The following HYCC1 variants were observed in gnomAD, a reference collection of about 807,000 sequenced individuals.
The protein encoded by HYCC1 is hyccin.
At chr7:23,013,076 A>C in the HYCC1 span, among the ~76,000 whole-genome samples, 21 of 152,312 alleles carry the variant, frequency 1.4e-4, no homozygotes, top group East Asian at 1.9e-4. Flanking sequence ...AGGCAAAATT[A>C]AAATCTTTCA....
the HYCC1 span, chr7:22,960,357 C>T: frequency 6.2e-7 from 1 of 1,613,288 alleles, no homozygotes; most frequent in Admixed American, 1.7e-5. Context: ...ACACCTTGTA[C>T]CTTCCTTATT....
chr7:22,907,738 C>T, the HYCC1 span, among the ~76,000 whole-genome samples: 1 of 152,058 alleles, frequency 6.6e-6, no homozygotes, highest in African/African-American at 2.4e-5. Context: ...GGTGAAACCC[C>T]GTCTCTACTA....
At chr7:22,974,094 A>G in the HYCC1 span, among the ~76,000 whole-genome samples, 1 of 152,208 alleles carries the variant, frequency 6.6e-6, no homozygotes, top group African/African-American at 2.4e-5. Context: ...CTAGAGGTGA[A>G]AATTGCTGCA....
chr7:22,953,428 A>G, the HYCC1 span, among the ~76,000 whole-genome samples: 4 of 151,954 alleles, frequency 2.6e-5, no homozygotes, highest in Admixed American at 2.6e-4. Context: ...TGTAGAATAC[A>G]ATAATTTACG....
the HYCC1 span, chr7:22,978,411 T>A: frequency 6.2e-7 from 1 of 1,613,978 alleles, no homozygotes. Flanking sequence ...TCCACTGCGA[T>A]AGAATTCAAA....
At chr7:22,948,805 G>C in the HYCC1 span, among the ~76,000 whole-genome samples, 2 of 151,996 alleles carry the variant, frequency 1.3e-5, no homozygotes, top group African/African-American at 4.8e-5. Flanking sequence ...TGTTGGTGAG[G>C]TAGTAGTGCA....
the HYCC1 span, among the ~76,000 whole-genome samples, chr7:22,999,573 G>A: frequency 1.3e-5 from 2 of 152,130 alleles, no homozygotes; most frequent in African/African-American, 2.4e-5. Context: ...TCGACAGCCC[G>A]TTCATATAAT....
At chr7:22,912,860 T>C in the HYCC1 span, among the ~76,000 whole-genome samples, 2 of 152,134 alleles carry the variant, frequency 1.3e-5, no homozygotes, top group South Asian at 2.1e-4. Flanking sequence ...CTGCTGGGCA[T>C]GGTGGCTCAC....
At chr7:22,946,023 C>T in the HYCC1 span, 38 of 1,613,582 alleles carry the variant, frequency 2.4e-5, no homozygotes, top group African/African-American at 3.2e-4. Flanking sequence ...TGGTTCTTTC[C>T]TATACTTGGC....
At chr7:22,921,644 C>A in the HYCC1 span, among the ~76,000 whole-genome samples, 1 of 152,168 alleles carries the variant, frequency 6.6e-6, no homozygotes, top group African/African-American at 2.4e-5. Flanking sequence ...CGGCTCCCCA[C>A]ACCCATGTGT....
the HYCC1 span, chr7:22,964,640 A>C: frequency 3.6e-5 from 24 of 675,100 alleles, no homozygotes; most frequent in South Asian, 3.2e-4. Context: ...AACAAACCTA[A>C]TATTTATGAA....
chr7:23,011,920 T>C, the HYCC1 span, among the ~76,000 whole-genome samples: 2,449 of 152,246 alleles, frequency 0.016, 72 homozygotes, highest in African/African-American at 0.056. Flanking sequence ...GTTAACTATC[T>C]CCTACTCTAA....
At chr7:22,944,943 A>G in the HYCC1 span, 1 of 152,384 alleles carries the variant, frequency 6.6e-6, no homozygotes, top group South Asian at 2.1e-4. Flanking sequence ...CTGGAATCAT[A>G]TAATATTCTA....
At chr7:22,960,258 T>G in the HYCC1 span, 1 of 1,613,448 alleles carries the variant, frequency 6.2e-7, no homozygotes, top group Non-Finnish European at 8.5e-7. Flanking sequence ...TTTCTTACCA[T>G]GTCTTTTCCA....
At chr7:22,966,187 C>T in the HYCC1 span, among the ~76,000 whole-genome samples, 1 of 152,174 alleles carries the variant, frequency 6.6e-6, no homozygotes. Context: ...ATTAAAAAGT[C>T]ATAGTTATCT....
At chr7:22,946,191 T>A in the HYCC1 span, 2 of 1,574,294 alleles carry the variant, frequency 1.3e-6, no homozygotes, top group Middle Eastern at 3.4e-4. Flanking sequence ...AAAGATTAAT[T>A]AACATTAAGT....
the HYCC1 span, among the ~76,000 whole-genome samples, chr7:22,923,201 T>C: frequency 3.0e-4 from 45 of 152,248 alleles, no homozygotes; most frequent in South Asian, 4.1e-4. Context: ...ACATACATAA[T>C]ACAAAGTATG....
At chr7:22,923,148 T>C in the HYCC1 span, among the ~76,000 whole-genome samples, 4 of 152,154 alleles carry the variant, frequency 2.6e-5, no homozygotes, top group Non-Finnish European at 5.9e-5. Flanking sequence ...CAGGAATAGA[T>C]CATATGTCAG....
At chr7:22,946,591 G>A in the HYCC1 span, among the ~76,000 whole-genome samples, 1 of 151,910 alleles carries the variant, frequency 6.6e-6, no homozygotes, top group Non-Finnish European at 1.5e-5. Context: ...TTAGAAGGTT[G>A]TACTCTATAT....
Sources: allele counts gnomAD v4.1 joint callset (sites outside exome capture counted in the v4.1 genomes callset), GRCh38; gene constraint gnomAD v4.1.1; transcripts MANE v1.5; gene names NCBI Gene and HGNC (gene_info 2026-07-23, HGNC 2026-07-21).